TTC21B: variants seen among roughly 807,000 people sequenced by gnomAD.
TTC21B encodes the protein tetratricopeptide repeat protein 21B.
TTC21B carries 127 observed loss-of-function variants against 175.1 expected under a neutral mutation model. The ratio of observed to expected loss-of-function variants is 0.73; its 90% CI spans 0.63 to 0.84. The LOEUF (loss-of-function observed/expected upper bound fraction) is 0.84. TTC21B is among the 40% of genes least tolerant of loss of function. TTC21B has a pLI of 0.00. For missense variants in TTC21B, 1,561 were observed against 1,558.3 expected (o/e 1.00, Z -0.03); for synonymous variants, 524 against 524.5 (o/e 1.00, Z 0.01).
intron 3 of TTC21B, among the ~76,000 whole-genome samples, 184 bp from the exon 4 acceptor site, chr2:165,945,874 A>C (rs1687540648): frequency 6.6e-6 from 1 of 152,240 alleles, no homozygotes; most frequent in Admixed American, 6.5e-5. Context: ...AATAGAAAGA[A>C]ACAATTAAAA....
At chr2:165,903,044 A>C (rs1407901932) in intron 19 of TTC21B, among the ~76,000 whole-genome samples, 1 of 152,228 alleles carries the variant, frequency 6.6e-6, no homozygotes, top group African/African-American at 2.4e-5. Context: ...ACACTGTTTT[A>C]CATCTGGACT....
At chr2:165,915,119 T>G in intron 15 of TTC21B, 82 bp downstream of exon 15, 1 of 1,127,174 alleles carries the variant, frequency 8.9e-7, no homozygotes, top group Non-Finnish European at 1.3e-6. Flanking sequence ...GTGAAGCAGT[T>G]GAAAGAAAGT....
At chr2:165,900,078 A>C (rs1685505900) in intron 20 of TTC21B, among the ~76,000 whole-genome samples, 198 bp from the exon 21 acceptor site, 1 of 148,834 alleles carries the variant, frequency 6.7e-6, no homozygotes, top group South Asian at 2.1e-4. Context: ...AAAAAAAAAC[A>C]GAGAAACAGG....
intron 15 of TTC21B, 73 bp from the exon 16 acceptor site, chr2:165,913,719 A>T: frequency 7.8e-7 from 1 of 1,289,144 alleles, no homozygotes; most frequent in Non-Finnish European, 1.1e-6. Flanking sequence ...TAAAATAAAA[A>T]ATAAGCTCCC....
intron 1 of TTC21B, among the ~76,000 whole-genome samples, chr2:165,952,986 A>C (rs1687806095): frequency 6.6e-6 from 1 of 152,248 alleles, no homozygotes. Context: ...GTAAAATCTG[A>C]GAAGGCAGAA....
Position 165,908,982 on chromosome 2 carries a change from T to C in TTC21B, c.2462-1198A>G, listed in dbSNP as rs184593505. Among the ~76,000 whole-genome samples, 8 of 152,234 alleles carry C rather than the reference T, an allele frequency of 5.3e-5. No individual in the cohort carries two copies. The East Asian group carries it at 1.5e-3, about 29-fold the overall frequency. ...ATGTCATTAAAGCTAAACCAAAAGA[T>C]CATTTTGAAAATATCAGAAAACTTA... On this transcript the variant is annotated intron_variant, in intron 18 of 28. Coordinates refer to ENST00000243344, the MANE Select transcript of TTC21B (RefSeq NM_024753.5).
chr2:165,888,507 T>G (rs1685083612), intron 24 of TTC21B, 33 bp from the exon 25 acceptor site: 1 of 1,511,014 alleles, frequency 6.6e-7, no homozygotes, highest in African/African-American at 1.4e-5. Context: ...CACTTCTGTC[T>G]CTTACTCATG....
chr2:165,886,054 T>A (rs1684988244), intron 25 of TTC21B, among the ~76,000 whole-genome samples: 1 of 152,212 alleles, frequency 6.6e-6, no homozygotes. Context: ...TACCTCTTTT[T>A]TGGTCCCTCT....
chr2:165,943,144 C>G, intron 5 of TTC21B, 75 bp downstream of exon 5: 1 of 1,502,496 alleles, frequency 6.7e-7, no homozygotes, highest in Non-Finnish European at 9.2e-7. Flanking sequence ...TTTTGAGCTA[C>G]TTGGTTTTGT....
rs760049437 is a variant in TTC21B, at chr2:165,949,416, G to A, written c.240C>T (p.Ala80=). The stretch of plus-strand genomic sequence containing the variant: ...TACCTGGATTAGGACTCATTTTATG[G>A]GCATATATCAGTGCAAGTAGAGAAC... ...SLCSLLALIY[A]HKMSPNPDRE... is the part of the protein sequence containing the mutation. The change falls in exon 3 of 29, where the codon GCC becomes GCT. Residue 80 remains alanine (A), a synonymous_variant. Coordinates refer to ENST00000243344, the MANE Select transcript of TTC21B (RefSeq NM_024753.5). The A allele has an allele frequency of 9.3e-6, 15 of 1,612,104 alleles. No homozygotes were observed. The South Asian group carries it at 1.4e-4, about 15-fold the overall frequency.
chr2:165,947,246 C>G (rs1687610284), intron 3 of TTC21B: 1 of 137,412 alleles, frequency 7.3e-6, no homozygotes, highest in South Asian at 2.4e-4. Flanking sequence ...TGGATGGAAT[C>G]AGAATCAGAA....
chr2:165,904,482 CCT>C (rs1482702916), intron 19 of TTC21B, among the ~76,000 whole-genome samples: 9 of 152,160 alleles, frequency 5.9e-5, no homozygotes, highest in Admixed American at 2.6e-4. Context: ...TACACACACC[CCT>C]GTCAGTTAAA....
At chr2:165,934,352 A>G (rs965958037) in intron 6 of TTC21B, among the ~76,000 whole-genome samples, 4 of 151,954 alleles carry the variant, frequency 2.6e-5, no homozygotes, top group Admixed American at 2.6e-4. Flanking sequence ...AATACAAAAA[A>G]TTAGCAGGGC....
chr2:165,920,642 G>C (rs1187500696), intron 12 of TTC21B, among the ~76,000 whole-genome samples: 1 of 151,420 alleles, frequency 6.6e-6, no homozygotes, highest in African/African-American at 2.4e-5. Context: ...GAGAATTAGG[G>C]TTTGCAACTA....
At chr2:165,918,001 C>T (rs181975627) in intron 13 of TTC21B, among the ~76,000 whole-genome samples, 216 of 152,016 alleles carry the variant, frequency 1.4e-3, no homozygotes, top group African/African-American at 4.9e-3. Flanking sequence ...ACAGTATATA[C>T]AGAAAACATA....
At chr2:165,910,380 G>C (rs1010314405) in intron 18 of TTC21B, among the ~76,000 whole-genome samples, 5 of 151,858 alleles carry the variant, frequency 3.3e-5, no homozygotes, top group Non-Finnish European at 7.4e-5. Context: ...TCCAGCCTGG[G>C]CAACAGAGTG....
At position 165,919,430 on chromosome 2, in the gene TTC21B, T is replaced by C; in HGVS notation, c.1520A>G (p.Asp507Gly). Residue 507 changes from aspartate to glycine, a missense_variant, in exon 13 of 29, where the codon GAT becomes GGT. Coordinates refer to ENST00000243344, the MANE Select transcript of TTC21B (RefSeq NM_024753.5). ...LIAKVKYLSG[D>G]IEAAFNNLQH... is the part of the protein sequence containing the mutation. Reference sequence around the variant, plus strand: ...AAGGTTATTGAAAGCTGCTTCAATATCACCTAATAAGAAAAACAATGCATT... The same window carrying C: ...AAGGTTATTGAAAGCTGCTTCAATACCACCTAATAAGAAAAACAATGCATT... The C allele has an allele frequency of 6.2e-7, 1 of 1,613,748 alleles. No individual in the cohort carries two copies. The highest frequency in any genetic ancestry group is 8.5e-7 in the Non-Finnish European group (1 of 1,179,714).
In TTC21B at chr2:165,932,988, C is replaced by A; in HGVS notation, c.780G>T (p.Glu260Asp). 1 of 1,613,038 alleles carries A rather than the reference C, an allele frequency of 6.2e-7. No homozygotes were observed. Among genetic ancestry groups the A allele is most frequent in the Middle Eastern group, 1.7e-4 (1 of 6,052 alleles). Residue 260 changes from glutamate to aspartate, a missense_variant, in exon 7 of 29, where the codon GAG becomes GAT. By Grantham distance (45) the Glu-to-Asp change is conservative. Coordinates refer to ENST00000243344, the MANE Select transcript of TTC21B (RefSeq NM_024753.5). ...RMQALYYVCR[E>D]GDIEKASTKL... The stretch of plus-strand genomic sequence containing the variant: ...TGCCACTTACCTTCTCTATATCCCC[C>A]TCTCTACACACATAGTAGAGTGCCT...
At chr2:165,937,615 T>TA (rs1307181878) in intron 6 of TTC21B, among the ~76,000 whole-genome samples, 8 of 151,996 alleles carry the variant, frequency 5.3e-5, no homozygotes, top group Non-Finnish European at 1.0e-4. Flanking sequence ...TACTGTCTAT[T>TA]AAAAAACAGT....
Sources: gnomAD v4.1 joint callset for allele counts (sites outside exome capture counted in the v4.1 genomes callset) on GRCh38, gnomAD v4.1.1 for gene constraint, MANE v1.5 for transcripts, NCBI Gene and HGNC (gene_info 2026-07-23, HGNC 2026-07-21) for gene names.